Variants in SEC61B observed in about 807,000 individuals in gnomAD.
SEC61B encodes protein transport protein Sec61 subunit beta.
A neutral mutation model predicts 12.6 loss-of-function variants in SEC61B; 7 were observed. The observed-to-expected ratio is 0.55, with a 90% confidence interval of 0.32 to 1.04. SEC61B has a LOEUF of 1.04. Among genes scored for constraint, SEC61B ranks in the 50% least tolerant of loss-of-function variants. The pLI is 0.05. For missense variants in SEC61B, 107 were observed against 130.1 expected, an observed-to-expected ratio of 0.82 and a Z score of 0.86; for synonymous variants, 54 against 50.1, an observed-to-expected ratio of 1.08 and a Z score of -0.33.
intron 2 of SEC61B, among the ~76,000 whole-genome samples, chr9:99,225,351 G>A (rs1459556421): frequency 6.6e-6 from 1 of 152,202 alleles, no homozygotes; most frequent in Non-Finnish European, 1.5e-5. Flanking sequence ...GTTTTAGATA[G>A]GGTGTTCACA....
At chr9:99,224,331 T>A (rs1333613740) in intron 2 of SEC61B, among the ~76,000 whole-genome samples, 1 of 152,234 alleles carries the variant, frequency 6.6e-6, no homozygotes, top group Non-Finnish European at 1.5e-5. Context: ...GTTTAACTTA[T>A]ATGGGCTTTG....
intron 2 of SEC61B, among the ~76,000 whole-genome samples, chr9:99,224,375 AT>A (rs1297920636): frequency 1.3e-5 from 2 of 151,888 alleles, no homozygotes; most frequent in Admixed American, 6.6e-5. Context: ...GGTTTTAGAG[AT>A]TTTTCGTGCA....
Position 99,222,562 on chromosome 9 carries a change from G to A in SEC61B, c.20G>A (p.Ser7Asn). The change falls in exon 2 of 4, where the codon AGT becomes AAT. Residue 7 changes from serine (S) to asparagine (N), a missense_variant. Transcript: ENST00000223641. ...CCTCTACAGCCTGGTCCGACCCCCAGTGGCACTAACGTGGGATCCTCAGGG... is the reference window on the plus strand; with the variant it reads ...CCTCTACAGCCTGGTCCGACCCCCAATGGCACTAACGTGGGATCCTCAGGG... MPGPTP[S>N]GTNVGSSGRS... is the part of the protein sequence containing the mutation. The A allele has an allele frequency of 6.3e-7, 1 of 1,577,338 alleles. No homozygotes were observed. Among genetic ancestry groups the A allele is most frequent in the Non-Finnish European group, 8.6e-7 (1 of 1,161,752 alleles).
At position 99,227,788 on chromosome 9, in the gene SEC61B, G is replaced by T. The variant is rs997073543; in HGVS notation, c.102-111G>T. Reference sequence around the variant, plus strand: ...AGGAATTTAGGTGGATTCTAGCAAAGAAAGTTTTTTTTTTTTGATTCCTTA... The same window carrying T: ...AGGAATTTAGGTGGATTCTAGCAAATAAAGTTTTTTTTTTTTGATTCCTTA... On this transcript the variant is annotated intron_variant, in intron 2 of 3. Coordinates refer to ENST00000223641, the MANE Select transcript of SEC61B (RefSeq NM_006808.3). 9.1e-6 allele frequency: 7 copies of T among 769,462 alleles called. No individual in the cohort carries two copies. In the African/African-American group the frequency reaches 1.1e-4, roughly 12 times the overall value. 47.7% of individuals were successfully genotyped at this position (769,462 alleles called of 1,614,324 possible). A position where few individuals can be genotyped will look rare whatever the true frequency, so the allele number is the denominator to read the frequency against.
intron 2 of SEC61B, 137 bp from the exon 3 acceptor site, chr9:99,227,762 C>T (rs1828915624): frequency 3.2e-6 from 2 of 634,852 alleles, no homozygotes; most frequent in Admixed American, 2.9e-5. Flanking sequence ...GGAGTAAAAG[C>T]AGGAATTTAG....
intron 2 of SEC61B, chr9:99,222,882 G>A: frequency 2.3e-6 from 1 of 433,954 alleles, no homozygotes; most frequent in South Asian, 4.4e-5. Context: ...TAGAGTCAGA[G>A]ATAACTTTGA....
At chr9:99,223,917 C>T (rs1283176431) in intron 2 of SEC61B, among the ~76,000 whole-genome samples, 2 of 152,166 alleles carry the variant, frequency 1.3e-5, no homozygotes, top group Admixed American at 6.5e-5. Flanking sequence ...ATTATAAGAC[C>T]AGTGATGTTT....
chr9:99,228,761 A>G (rs1276477559), intron 3 of SEC61B, among the ~76,000 whole-genome samples: 1 of 152,160 alleles, frequency 6.6e-6, no homozygotes, highest in Admixed American at 6.5e-5. Context: ...AGAACTTTCA[A>G]TGTCTGTTGT....
intron 3 of SEC61B, among the ~76,000 whole-genome samples, chr9:99,228,259 C>A (rs974165537): frequency 3.9e-5 from 6 of 152,168 alleles, no homozygotes; most frequent in African/African-American, 1.4e-4. Context: ...TAAATGAGAA[C>A]AGAGAGAACT....
intron 2 of SEC61B, among the ~76,000 whole-genome samples, chr9:99,226,622 C>T (rs1346776821): frequency 1.3e-5 from 2 of 152,140 alleles, no homozygotes; most frequent in African/African-American, 4.8e-5. Context: ...TTGCTTGTGA[C>T]TTCTCACCAC....
At chr9:99,223,398 CTTT>C (rs545613209) in intron 2 of SEC61B, among the ~76,000 whole-genome samples, 37 of 142,866 alleles carry the variant, frequency 2.6e-4, no homozygotes, top group African/African-American at 8.2e-4. Flanking sequence ...TTTCTTTTTC[CTTT>C]TTTTTTTTTT....
intron 2 of SEC61B, among the ~76,000 whole-genome samples, chr9:99,226,147 A>G (rs752423401): frequency 9.9e-5 from 15 of 152,214 alleles, no homozygotes; most frequent in Non-Finnish European, 2.1e-4. Flanking sequence ...GTAGTCCATA[A>G]TTAATGTGTC....
chr9:99,229,648 CTTCAGGGGACTCATT>C (rs1694764186), intron 3 of SEC61B, among the ~76,000 whole-genome samples: 1 of 152,126 alleles, frequency 6.6e-6, no homozygotes, highest in South Asian at 2.1e-4. Flanking sequence ...GCCCATTGCT[CTTCAGGGGACTCATT>C]TTAAACCCTT....
chr9:99,223,563 T>C (rs1254764830), intron 2 of SEC61B, among the ~76,000 whole-genome samples: 1 of 152,120 alleles, frequency 6.6e-6, no homozygotes, highest in Non-Finnish European at 1.5e-5. Context: ...CCAGCTAATT[T>C]TTTGTATTTT....
At chr9:99,222,477 G>A (rs1317320530) in intron 1 of SEC61B, 69 bp from the exon 2 acceptor site, 1 of 1,602,756 alleles carries the variant, frequency 6.2e-7, no homozygotes, top group Non-Finnish European at 8.5e-7. Context: ...TCGGGTGTGG[G>A]TGTCTAGGCC....
At chr9:99,225,084 T>G (rs1437137066) in intron 2 of SEC61B, among the ~76,000 whole-genome samples, 1 of 152,202 alleles carries the variant, frequency 6.6e-6, no homozygotes, top group East Asian at 1.9e-4. Flanking sequence ...ATCAGGGATA[T>G]TAAGATGGCG....
At chr9:99,222,681 A>G (rs1392790674) in intron 2 of SEC61B, 38 bp downstream of exon 2, 2 of 1,388,134 alleles carry the variant, frequency 1.4e-6, no homozygotes, top group African/African-American at 2.9e-5. Context: ...CCAGACTCGG[A>G]GATAGGACCC....
chr9:99,227,882 A>C lies in SEC61B; in HGVS notation c.102-17A>C. 1 of 1,599,128 alleles carries C rather than the reference A, an allele frequency of 6.3e-7. No homozygotes were observed. Among genetic ancestry groups the C allele is most frequent in the Non-Finnish European group, 8.6e-7 (1 of 1,166,868 alleles). ...ATTTCCAGAAAAGGCCATTTGTAAC[A>C]TTTTCCTCTCTTTCAGGAAAAATGC... On this transcript the variant is annotated splice_polypyrimidine_tract_variant and intron_variant, in intron 2 of 3. Transcript: ENST00000223641.
chr9:99,222,318 A>G lies in SEC61B; in HGVS notation c.-46A>G. 2 of 1,614,002 alleles carry G rather than the reference A, an allele frequency of 1.2e-6. No homozygotes were observed. The highest frequency in any genetic ancestry group is 1.7e-6 in the Non-Finnish European group (2 of 1,179,958). ...CTGCCGGTCTTTCGGGGGCTCCGTAACTTTCTATCCGTCCGCGTCAGCGCC... is the reference window on the plus strand; with the variant it reads ...CTGCCGGTCTTTCGGGGGCTCCGTAGCTTTCTATCCGTCCGCGTCAGCGCC... On this transcript the variant is annotated 5_prime_UTR_variant, in exon 1 of 4. Coordinates refer to ENST00000223641, the MANE Select transcript of SEC61B (RefSeq NM_006808.3).
Sources: gnomAD v4.1 joint callset for allele counts (sites outside exome capture counted in the v4.1 genomes callset) on GRCh38, gnomAD v4.1.1 for gene constraint, MANE v1.5 for transcripts, NCBI Gene and HGNC (gene_info 2026-07-23, HGNC 2026-07-21) for gene names.